NDRG1: variants seen among roughly 807,000 people sequenced by gnomAD.
The protein encoded by NDRG1 is N-myc downstream regulated 1.
A neutral mutation model predicts 56.9 loss-of-function variants in NDRG1; 32 were observed. The ratio of observed to expected loss-of-function variants is 0.56; its 90% CI spans 0.42 to 0.76. The LOEUF (loss-of-function observed/expected upper bound fraction) is 0.76, where lower values mean the gene tolerates loss of function less well. Ranked by LOEUF, NDRG1 falls within the 30% of genes least tolerant of loss-of-function variation. The probability of loss-of-function intolerance (pLI) is 0.00; values close to 1 mark genes in which losing one functional copy is unlikely to be tolerated. For synonymous variants in NDRG1, 211 were observed against 204.1 expected (o/e 1.03, Z -0.29); for missense variants, 507 against 545.7 (o/e 0.93, Z 0.71).
At chr8:133,284,114 C>T (rs775521968) in intron 2 of NDRG1, 135 bp downstream of exon 2, 39 of 785,560 alleles carry the variant, frequency 5.0e-5, no homozygotes, top group South Asian at 7.2e-5. Flanking sequence ...GTTTGTATGC[C>T]GTGTGTATGC....
intron 9 of NDRG1, among the ~76,000 whole-genome samples, chr8:133,251,561 C>A (rs1220402692): frequency 1.3e-5 from 2 of 152,228 alleles, no homozygotes; most frequent in Non-Finnish European, 2.9e-5. Context: ...CTATGTCTGA[C>A]ATCCCTCCTC....
chr8:133,250,168 CCT>C (rs917778041), intron 10 of NDRG1, among the ~76,000 whole-genome samples: 1 of 152,146 alleles, frequency 6.6e-6, no homozygotes, highest in Non-Finnish European at 1.5e-5. Flanking sequence ...TACTCTCAAC[CCT>C]CTGAGTGTGC....
At chr8:133,286,006 C>T (rs1416909176) in intron 1 of NDRG1, among the ~76,000 whole-genome samples, 1 of 152,202 alleles carries the variant, frequency 6.6e-6, no homozygotes, top group African/African-American at 2.4e-5. Context: ...CTTCTCATTT[C>T]ACAGGAGCTT....
intron 14 of NDRG1, among the ~76,000 whole-genome samples, chr8:133,244,036 C>T (rs1240881974): frequency 6.6e-6 from 1 of 152,192 alleles, no homozygotes; most frequent in Non-Finnish European, 1.5e-5. Context: ...CTGCTCTGGG[C>T]TGGAGCTCCT....
chr8:133,286,878 G>T (rs1426613276), intron 1 of NDRG1, among the ~76,000 whole-genome samples: 5 of 152,202 alleles, frequency 3.3e-5, no homozygotes, highest in Non-Finnish European at 2.9e-5. Context: ...GGGGGCTGCA[G>T]GCCTCGGGGT....
intron 7 of NDRG1, 65 bp downstream of exon 7, chr8:133,258,301 A>G: frequency 6.6e-7 from 1 of 1,515,380 alleles, no homozygotes; most frequent in Non-Finnish European, 9.0e-7. Flanking sequence ...ATGCTTTTCC[A>G]ATGTCTTCCT....
intron 2 of NDRG1, among the ~76,000 whole-genome samples, chr8:133,281,868 T>C (rs1345510294): frequency 2.6e-5 from 4 of 152,072 alleles, no homozygotes; most frequent in Admixed American, 2.0e-4. Context: ...TGCATGTGAG[T>C]GTGTACTGGT....
At chr8:133,265,463 C>A (rs1856870795) in intron 3 of NDRG1, among the ~76,000 whole-genome samples, 1 of 152,198 alleles carries the variant, frequency 6.6e-6, no homozygotes, top group Non-Finnish European at 1.5e-5. Flanking sequence ...ACACGGCCCA[C>A]CAACTTCCAA....
chr8:133,247,840 A>T (rs1204541619), intron 12 of NDRG1, 35 bp downstream of exon 12: 4 of 1,612,326 alleles, frequency 2.5e-6, no homozygotes, highest in African/African-American at 1.3e-5. Context: ...TGCCTGTTGA[A>T]TTAAACACAG....
chr8:133,277,895 T>A (rs1324276522), intron 3 of NDRG1, among the ~76,000 whole-genome samples: 1 of 152,100 alleles, frequency 6.6e-6, no homozygotes, highest in Admixed American at 6.5e-5. Context: ...AGGTGAAGCA[T>A]CTTGTGCTAA....
intron 1 of NDRG1, among the ~76,000 whole-genome samples, chr8:133,286,041 C>T (rs891365939): frequency 5.3e-5 from 8 of 152,284 alleles, no homozygotes; most frequent in Non-Finnish European, 7.4e-5. Context: ...CTCAGCAAAG[C>T]GCGCCAGGGT....
At chr8:133,262,775 G>A (rs12678229) in intron 4 of NDRG1, among the ~76,000 whole-genome samples, 52,427 of 151,976 alleles carry the variant, frequency 0.34, 10,186 homozygotes, top group South Asian at 0.62. Context: ...GTTTCTGGCC[G>A]ATAGCCTGTG....
chr8:133,293,336 TC>T (rs1022349443), intron 1 of NDRG1, among the ~76,000 whole-genome samples: 3 of 152,152 alleles, frequency 2.0e-5, no homozygotes, highest in Non-Finnish European at 4.4e-5. Flanking sequence ...CTGGGGTGGA[TC>T]CAGGAAACAA....
At chr8:133,273,454 G>C (rs1382360567) in intron 3 of NDRG1, among the ~76,000 whole-genome samples, 3 of 152,152 alleles carry the variant, frequency 2.0e-5, no homozygotes, top group Non-Finnish European at 4.4e-5. Context: ...GATTTTCTGG[G>C]CCTCGTATCT....
intron 3 of NDRG1, among the ~76,000 whole-genome samples, chr8:133,266,371 C>T (rs950224361): frequency 2.0e-5 from 3 of 152,216 alleles, no homozygotes; most frequent in East Asian, 1.9e-4. Flanking sequence ...GGCAGAAATG[C>T]GACCCATACA....
intron 1 of NDRG1, chr8:133,296,694 GACACACACACACACACACACAC>G (rs36215434): frequency 8.9e-5 from 24 of 270,828 alleles, no homozygotes; most frequent in South Asian, 3.6e-4. Flanking sequence ...CCCAGACACA[GACACACACACACACACACACAC>G]ACACACACAC....
chr8:133,250,502 G>C lies in NDRG1; in HGVS notation c.636C>G (p.Arg212=). 1.9e-6 allele frequency: 3 copies of C among 1,614,030 alleles called. No homozygotes were observed. The highest frequency in any genetic ancestry group is 2.5e-6 in the Non-Finnish European group (3 of 1,180,000). ...QSNVEVVHTY[R]QHIVNDMNPG... ...GGTTCATGTCATTCACAATGTGCTG[G>C]CGGTAGGTGTGGACCACTTCCACGT... The change falls in exon 10 of 16, where the codon CGC becomes CGG. Residue 212 remains arginine, a synonymous_variant. Transcript: ENST00000323851.
intron 3 of NDRG1, among the ~76,000 whole-genome samples, chr8:133,274,460 C>T (rs921681210): frequency 7.9e-5 from 12 of 152,328 alleles, no homozygotes; most frequent in African/African-American, 2.2e-4. Context: ...CAAAATAAAG[C>T]GACTCAGACT....
At chr8:133,259,560 G>C (rs1586440955) in intron 5 of NDRG1, 1 of 414,618 alleles carries the variant, frequency 2.4e-6, no homozygotes, top group Admixed American at 3.5e-5. Flanking sequence ...GGCCTCACAA[G>C]AGCAGTAGAT....
Sources: gnomAD v4.1 joint callset for allele counts (sites outside exome capture counted in the v4.1 genomes callset) on GRCh38, gnomAD v4.1.1 for gene constraint, MANE v1.5 for transcripts, NCBI Gene and HGNC (gene_info 2026-07-23, HGNC 2026-07-21) for gene names.